Variants in CPAMD8 observed in about 807,000 individuals in gnomAD.
CPAMD8 encodes the protein C3 and PZP like alpha-2-macroglobulin domain containing 8, also known as C3 and PZP-like alpha-2-macroglobulin domain-containing protein 8.
Under a neutral mutation model 224.7 loss-of-function variants are expected in CPAMD8, and 146 were observed. The ratio of observed to expected loss-of-function variants is 0.65; its 90% CI spans 0.57 to 0.75. The LOEUF (loss-of-function observed/expected upper bound fraction) is 0.75. Ranked by LOEUF, CPAMD8 falls within the 30% of genes least tolerant of loss-of-function variation. CPAMD8 has a pLI of 0.00. For missense variants in CPAMD8, 2,301 were observed against 2,537.5 expected, an observed-to-expected ratio of 0.91 and a Z score of 2.00; for synonymous variants, 966 against 1,044.6, an observed-to-expected ratio of 0.92 and a Z score of 1.45.
intron 23 of CPAMD8, among the ~76,000 whole-genome samples, chr19:16,936,558 A>G (rs897269668): frequency 4.0e-5 from 6 of 151,780 alleles, no homozygotes; most frequent in Admixed American, 6.6e-5. Flanking sequence ...ACCTGCCACC[A>G]TGCCTGGCTA....
chr19:16,931,805 C>T (rs2053553842), intron 23 of CPAMD8, among the ~76,000 whole-genome samples: 1 of 152,202 alleles, frequency 6.6e-6, no homozygotes, highest in Admixed American at 6.5e-5. Flanking sequence ...CTAAGCCACT[C>T]AGGAAATCAC....
chr19:16,894,251 A>T (rs2051870677), intron 41 of CPAMD8: 1 of 377,452 alleles, frequency 2.6e-6, no homozygotes, highest in African/African-American at 2.1e-5. Context: ...GGGTCCCAAG[A>T]GTCTCATCCT....
intron 22 of CPAMD8, among the ~76,000 whole-genome samples, chr19:16,939,885 G>A (rs1392574802): frequency 2.0e-5 from 3 of 151,638 alleles, no homozygotes; most frequent in African/African-American, 7.3e-5. Flanking sequence ...TTTTGTTGTT[G>A]TTGTTGTTGT....
chr19:16,998,270 G>C (rs751070417), intron 10 of CPAMD8, among the ~76,000 whole-genome samples: 1 of 152,134 alleles, frequency 6.6e-6, no homozygotes, highest in African/African-American at 2.4e-5. Context: ...GACCAGCCTG[G>C]CCAACATGGC....
At chr19:16,969,617 C>G (rs547534621) in intron 18 of CPAMD8, among the ~76,000 whole-genome samples, 3 of 152,086 alleles carry the variant, frequency 2.0e-5, no homozygotes, top group African/African-American at 7.2e-5. Context: ...CAGAGGCTCA[C>G]GCCTGTAATC....
In CPAMD8 at chr19:16,947,306, C is replaced by A; in HGVS notation, c.2509-79G>T. ...GCCTGGAGGCCCAACACACATCCCA[C>A]CACTCACTGCACACACCAGACTTGT... On this transcript the variant is annotated intron_variant, in intron 20 of 41. Transcript: ENST00000443236. 2 of 1,507,496 alleles carry A rather than the reference C, an allele frequency of 1.3e-6. 1 individual carries two copies. Among genetic ancestry groups the A allele is most frequent in the Middle Eastern group, 3.6e-4 (2 of 5,512 alleles). The allele number at this position is 1,507,496 out of a possible 1,614,324, so 93.4% of individuals were successfully genotyped here.
At chr19:16,995,424 C>T (rs538551842) in intron 11 of CPAMD8, among the ~76,000 whole-genome samples, 109 of 142,774 alleles carry the variant, frequency 7.6e-4, no homozygotes, top group Middle Eastern at 3.4e-3. Flanking sequence ...TTATTTGAGA[C>T]GAAGTCTCAC....
chr19:16,900,618 A>G (rs968697810), intron 36 of CPAMD8, among the ~76,000 whole-genome samples: 4 of 151,400 alleles, frequency 2.6e-5, no homozygotes, highest in Non-Finnish European at 5.9e-5. Context: ...TAATAATAAT[A>G]GTGACAGTGG....
chr19:16,985,999 C>T (rs184634205), intron 13 of CPAMD8, among the ~76,000 whole-genome samples: 28 of 152,186 alleles, frequency 1.8e-4, no homozygotes, highest in Admixed American at 7.9e-4. Flanking sequence ...ACAGAAGTCC[C>T]CTTCTGCTTG....
intron 23 of CPAMD8, among the ~76,000 whole-genome samples, chr19:16,933,806 G>A (rs80215541): frequency 6.6e-6 from 1 of 152,120 alleles, no homozygotes; most frequent in Non-Finnish European, 1.5e-5. Context: ...AAACATACAC[G>A]AACCATATGA....
chr19:16,980,624 G>A lies in CPAMD8; in HGVS notation c.1458C>T (p.Tyr486=), dbSNP rs994174876. ...STCPCNFTLY[Y]EVAARGNIVL... is the part of the protein sequence containing the mutation. ...CAATATTGCCCCGTGCAGCCACCTC[G>A]TAGTACAGGGTAAAGTTGCAGGGAC... is the stretch of plus-strand genomic sequence containing the variant. Residue 486 remains tyrosine, a synonymous_variant, in exon 14 of 42, where the codon TAC becomes TAT. Coordinates refer to ENST00000443236, the MANE Select transcript of CPAMD8 (RefSeq NM_015692.5). 8.1e-6 allele frequency: 13 copies of A among 1,604,174 alleles called. No homozygotes were observed. Among genetic ancestry groups the A allele is most frequent in the African/African-American group, 6.7e-5 (5 of 74,334 alleles).
In CPAMD8 at chr19:16,896,764, C is replaced by T. The variant is rs1189981543; in HGVS notation, c.5066-99G>A. The T allele has an allele frequency of 4.7e-6, 4 of 847,078 alleles. No homozygotes were observed. In the Middle Eastern group the frequency reaches 1.2e-3, roughly 245 times the overall value. 52.5% of individuals were successfully genotyped at this position (847,078 alleles called of 1,614,324 possible). ...GGAAGATGTCCCTGGGTCCCGGGCC[C>T]ACTACCCCCTCGGTGGGTCTTGGGG... On this transcript the variant is annotated intron_variant, in intron 39 of 41. Transcript: ENST00000443236.
chr19:17,007,283 G>T (rs1320837108), intron 7 of CPAMD8, among the ~76,000 whole-genome samples: 1 of 151,816 alleles, frequency 6.6e-6, no homozygotes, highest in Non-Finnish European at 1.5e-5. Context: ...GCAGTGAGCC[G>T]ACATCGTGCC....
intron 11 of CPAMD8, among the ~76,000 whole-genome samples, chr19:16,995,689 C>T (rs2056100513): frequency 1.3e-5 from 2 of 152,302 alleles, no homozygotes; most frequent in Middle Eastern, 3.4e-3. Flanking sequence ...TCATGAGCCA[C>T]CGTGCCCAGC....
intron 7 of CPAMD8, among the ~76,000 whole-genome samples, chr19:17,004,718 C>T (rs566733265): frequency 5.3e-5 from 8 of 152,046 alleles, no homozygotes; most frequent in South Asian, 2.1e-4. Flanking sequence ...CTCCATCCCC[C>T]GCCACCCGAG....
intron 26 of CPAMD8, among the ~76,000 whole-genome samples, chr19:16,922,609 A>G (rs2053220105): frequency 7.1e-6 from 1 of 141,156 alleles, no homozygotes; most frequent in Non-Finnish European, 1.5e-5. Flanking sequence ...TCACATCTAG[A>G]GTTCTTGAAA....
At chr19:16,906,851 A>C in intron 30 of CPAMD8, 101 bp downstream of exon 30, 1 of 1,187,716 alleles carries the variant, frequency 8.4e-7, no homozygotes, top group South Asian at 1.4e-5. Flanking sequence ...CTGGGACTAC[A>C]TGACTCGTCA....
At chr19:16,969,970 C>T (rs917620319) in intron 18 of CPAMD8, among the ~76,000 whole-genome samples, 2 of 151,234 alleles carry the variant, frequency 1.3e-5, no homozygotes, top group Non-Finnish European at 2.9e-5. Flanking sequence ...CGCAGTGGCT[C>T]ATGCCTGTAA....
intron 27 of CPAMD8, among the ~76,000 whole-genome samples, chr19:16,921,573 T>G (rs1278753978): frequency 6.6e-6 from 1 of 152,090 alleles, no homozygotes; most frequent in Non-Finnish European, 1.5e-5. Flanking sequence ...CTCCTCCTGC[T>G]CCAGTCACCG....
Sources: allele counts gnomAD v4.1 joint callset (sites outside exome capture counted in the v4.1 genomes callset), GRCh38; gene constraint gnomAD v4.1.1; transcripts MANE v1.5; gene names NCBI Gene and HGNC (gene_info 2026-07-23, HGNC 2026-07-21).